The following CPA6 variants were observed in gnomAD, a reference collection of about 807,000 sequenced individuals.
The protein encoded by CPA6 is carboxypeptidase B.
In CPA6, 58 loss-of-function variants were observed where a neutral mutation model predicts 63.3. That is an observed-to-expected ratio of 0.92 (90% CI 0.74 to 1.14). CPA6 has a LOEUF of 1.14. Ranked by LOEUF, CPA6 falls within the 50% of genes most tolerant of loss-of-function variation. The pLI, the probability that CPA6 is intolerant of heterozygous loss-of-function variation, is 0.00. For missense variants in CPA6, 565 were observed against 526.6 expected, an observed-to-expected ratio of 1.07 and a Z score of -0.71; for synonymous variants, 185 against 179.0, an observed-to-expected ratio of 1.03 and a Z score of -0.27.
At chr8:67,473,092 G>A (rs972520016) in intron 8 of CPA6, among the ~76,000 whole-genome samples, 5 of 152,184 alleles carry the variant, frequency 3.3e-5, no homozygotes, top group Admixed American at 6.5e-5. Flanking sequence ...CTTAACAAAA[G>A]ATAGAATAGC....
chr8:67,528,390 A>G (rs1191552019), intron 2 of CPA6, among the ~76,000 whole-genome samples: 1 of 152,102 alleles, frequency 6.6e-6, no homozygotes, highest in Middle Eastern at 3.2e-3. Context: ...TGGACTGGGA[A>G]TGTTGGCGTT....
intron 10 of CPA6, among the ~76,000 whole-genome samples, chr8:67,423,477 C>T (rs1809813604): frequency 6.6e-6 from 1 of 152,194 alleles, no homozygotes; most frequent in Non-Finnish European, 1.5e-5. Context: ...TTTCCAGATT[C>T]CTCCGTTTTC....
intron 8 of CPA6, among the ~76,000 whole-genome samples, chr8:67,466,084 GTT>G (rs561313512): frequency 7.3e-5 from 7 of 96,098 alleles, no homozygotes; most frequent in African/African-American, 1.8e-4. Flanking sequence ...TCTGAGGCTT[GTT>G]TTTTTTTTTT....
At chr8:67,565,987 CT>C (rs1813327531) in intron 2 of CPA6, among the ~76,000 whole-genome samples, 1 of 152,198 alleles carries the variant, frequency 6.6e-6, no homozygotes, top group Admixed American at 6.5e-5. Flanking sequence ...GAGAATTTCA[CT>C]CCTAAATGGT....
intron 8 of CPA6, among the ~76,000 whole-genome samples, chr8:67,463,334 C>G (rs1810854563): frequency 6.6e-6 from 1 of 151,988 alleles, no homozygotes; most frequent in Non-Finnish European, 1.5e-5. Flanking sequence ...ATCCTAGCTT[C>G]TTGGGAGGCT....
At chr8:67,505,608 T>C (rs1222494890) in intron 6 of CPA6, among the ~76,000 whole-genome samples, 2 of 152,210 alleles carry the variant, frequency 1.3e-5, no homozygotes, top group Non-Finnish European at 2.9e-5. Flanking sequence ...TATTAGCTTT[T>C]GCATTTGTCC....
At chr8:67,634,850 T>C (rs185583574) in intron 1 of CPA6, among the ~76,000 whole-genome samples, 18 of 151,618 alleles carry the variant, frequency 1.2e-4, no homozygotes, top group Non-Finnish European at 2.4e-4. Context: ...AGTCTCTCAA[T>C]ACTTAGTAGC....
At chr8:67,604,011 G>A (rs905178771) in intron 2 of CPA6, among the ~76,000 whole-genome samples, 1 of 152,276 alleles carries the variant, frequency 6.6e-6, no homozygotes, top group East Asian at 1.9e-4. Context: ...GATTGGAAAG[G>A]GTGAAATGAT....
intron 1 of CPA6, among the ~76,000 whole-genome samples, chr8:67,741,457 C>G (rs114295214): frequency 0.037 from 5,564 of 152,224 alleles, 297 homozygotes; most frequent in African/African-American, 0.12. Flanking sequence ...TGGCCACAGA[C>G]CGGTTCCAGT....
At chr8:67,493,776 T>TTTTC (rs549586918) in intron 6 of CPA6, among the ~76,000 whole-genome samples, 2,789 of 152,118 alleles carry the variant, frequency 0.018, 40 homozygotes, top group Non-Finnish European at 0.03. Context: ...ATTGCTTTTC[T>TTTTC]TTTCTTTCTT....
chr8:67,665,734 T>C (rs1413406843), intron 1 of CPA6, among the ~76,000 whole-genome samples: 1 of 152,222 alleles, frequency 6.6e-6, no homozygotes, highest in Non-Finnish European at 1.5e-5. Flanking sequence ...TTCTCAAACA[T>C]GCAGGCAATA....
At chr8:67,456,723 A>G (rs1320692541) in intron 8 of CPA6, among the ~76,000 whole-genome samples, 4 of 152,216 alleles carry the variant, frequency 2.6e-5, no homozygotes, top group African/African-American at 4.8e-5. Flanking sequence ...GTGACTGTTA[A>G]ATGGAAAAGG....
intron 1 of CPA6, among the ~76,000 whole-genome samples, chr8:67,666,730 C>T (rs1020857508): frequency 6.6e-6 from 1 of 151,970 alleles, no homozygotes; most frequent in African/African-American, 2.4e-5. Flanking sequence ...ACACGATGTC[C>T]CTCACTGAAG....
At chr8:67,647,075 T>C (rs904787077) in intron 1 of CPA6, among the ~76,000 whole-genome samples, 4 of 152,022 alleles carry the variant, frequency 2.6e-5, no homozygotes, top group Admixed American at 6.5e-5. Flanking sequence ...TAGGAGACAA[T>C]TGACACAGCC....
At chr8:67,436,503 T>C (rs1166513489) in intron 8 of CPA6, among the ~76,000 whole-genome samples, 1 of 151,986 alleles carries the variant, frequency 6.6e-6, no homozygotes, top group African/African-American at 2.4e-5. Context: ...AATATTGATA[T>C]AGCAAGAACA....
intron 2 of CPA6, among the ~76,000 whole-genome samples, chr8:67,598,117 T>C (rs1160672885): frequency 6.6e-6 from 1 of 152,202 alleles, no homozygotes; most frequent in Non-Finnish European, 1.5e-5. Context: ...AAGCCTAGGC[T>C]GTCTGGCCTG....
intron 1 of CPA6, among the ~76,000 whole-genome samples, chr8:67,742,090 A>T (rs1817923508): frequency 6.6e-6 from 1 of 151,976 alleles, no homozygotes; most frequent in Non-Finnish European, 1.5e-5. Context: ...ACTTGCATGA[A>T]CAAAGGCACA....
rs1041046953 is a variant in CPA6, at chr8:67,491,880, G to A, written c.637-7091C>T. Reference sequence around the variant, plus strand: ...AAAATGAGCATCAAGACCTGTGATCGATTCTACTATTTCTTTAAAAGTCTG... The same window carrying A: ...AAAATGAGCATCAAGACCTGTGATCAATTCTACTATTTCTTTAAAAGTCTG... On this transcript the variant is annotated intron_variant, in intron 6 of 10. Transcript: ENST00000297770. 7.2e-5 allele frequency among the ~76,000 whole-genome samples: 11 copies of A among 152,118 alleles called. No individual in the cohort carries two copies. The East Asian group carries it at 1.9e-3, about 27-fold the overall frequency.
In CPA6 at chr8:67,746,073, C is replaced by A. The variant is rs748121520; in HGVS notation, c.57G>T (p.Trp19Cys). Reference sequence around the variant, plus strand: ...CCGGTTGCAGAATCTTCAAAAAGAGCCAGCAAAGAGGCAGGAAAGCAGCTG... The same window carrying A: ...CCGGTTGCAGAATCTTCAAAAAGAGACAGCAAAGAGGCAGGAAAGCAGCTG... ...GQAAAFLPLC[W>C]LFLKILQPGH... is the part of the protein sequence containing the mutation. Residue 19 changes from tryptophan (W) to cysteine (C), a missense_variant, in exon 1 of 11, where the codon TGG becomes TGT. Transcript: ENST00000297770. The A allele has an allele frequency of 6.2e-7, 1 of 1,613,726 alleles. No individual in the cohort carries two copies. Among genetic ancestry groups the A allele is most frequent in the East Asian group, 2.2e-5 (1 of 44,882 alleles).
Sources: allele counts gnomAD v4.1 joint callset (sites outside exome capture counted in the v4.1 genomes callset), GRCh38; gene constraint gnomAD v4.1.1; transcripts MANE v1.5; gene names NCBI Gene and HGNC (gene_info 2026-07-23, HGNC 2026-07-21).